The following ARSG variants were observed in gnomAD, a reference collection of about 807,000 sequenced individuals.
ARSG encodes arylsulfatase G.
A neutral mutation model predicts 50.5 loss-of-function variants in ARSG; 37 were observed. The ratio of observed to expected loss-of-function variants is 0.73; its 90% confidence interval spans 0.56 to 0.96. The LOEUF (loss-of-function observed/expected upper bound fraction) is 0.96. ARSG is among the 50% of genes least tolerant of loss of function. The probability of loss-of-function intolerance (pLI) is 0.00; values close to 1 mark genes in which losing one functional copy is unlikely to be tolerated. For missense variants in ARSG, 629 were observed against 675.3 expected, an observed-to-expected ratio of 0.93 and a Z score of 0.76; for synonymous variants, 225 against 254.6, an observed-to-expected ratio of 0.88 and a Z score of 1.11.
intron 10 of ARSG, 56 bp from the exon 11 acceptor site, chr17:68,401,304 T>C (rs1258618288): frequency 1.4e-6 from 2 of 1,476,904 alleles, no homozygotes; most frequent in Non-Finnish European, 1.9e-6. Flanking sequence ...ATTACAGGCA[T>C]GAGTCACCGA....
At chr17:68,326,544 A>T (rs2077512051) in intron 2 of ARSG, among the ~76,000 whole-genome samples, 1 of 152,220 alleles carries the variant, frequency 6.6e-6, no homozygotes, top group African/African-American at 2.4e-5. Flanking sequence ...CCATGCCTAT[A>T]GTCCCAGCTA....
At chr17:68,448,071 A>G in the ARSG span, among the ~76,000 whole-genome samples, 122 of 152,228 alleles carry the variant, frequency 8.0e-4, no homozygotes, top group African/African-American at 2.8e-3. Context: ...CTGTTTTTCA[A>G]AAAAGAAACT....
At chr17:68,373,753 A>G (rs2079989289) in intron 8 of ARSG, among the ~76,000 whole-genome samples, 1 of 152,080 alleles carries the variant, frequency 6.6e-6, no homozygotes, top group Non-Finnish European at 1.5e-5. Flanking sequence ...ATATGTATAG[A>G]TCTTTTTGGT....
chr17:68,389,447 C>T (rs1850099900), intron 9 of ARSG, among the ~76,000 whole-genome samples: 2 of 151,884 alleles, frequency 1.3e-5, no homozygotes, highest in South Asian at 4.2e-4. Context: ...CATGTCTCCA[C>T]GGCTGAGACC....
At chr17:68,356,424 G>A (rs2079034555) in intron 5 of ARSG, among the ~76,000 whole-genome samples, 1 of 152,172 alleles carries the variant, frequency 6.6e-6, no homozygotes, top group South Asian at 2.1e-4. Flanking sequence ...CCTAGCTCAC[G>A]AGAGTCTTTG....
chr17:68,302,265 A>G (rs1475406293), intron 1 of ARSG, among the ~76,000 whole-genome samples: 1 of 152,154 alleles, frequency 6.6e-6, no homozygotes, highest in Non-Finnish European at 1.5e-5. Context: ...GAGTAAAACA[A>G]CAGCAGTCCA....
chr17:68,282,467 C>T (rs1182417309), intron 1 of ARSG, among the ~76,000 whole-genome samples: 2 of 148,024 alleles, frequency 1.4e-5, no homozygotes, highest in Non-Finnish European at 3.0e-5. Context: ...CAAATCTGCA[C>T]GTTGTGCACA....
chr17:68,276,992 C>A (rs987966780), intron 1 of ARSG, among the ~76,000 whole-genome samples: 2 of 152,140 alleles, frequency 1.3e-5, no homozygotes, highest in African/African-American at 2.4e-5. Flanking sequence ...GAAACAGGTG[C>A]TTGGAATTCA....
chr17:68,333,918 C>T (rs2077899473), intron 2 of ARSG, among the ~76,000 whole-genome samples: 1 of 152,116 alleles, frequency 6.6e-6, no homozygotes, highest in Admixed American at 6.5e-5. Context: ...GTGTGGCTGC[C>T]AGGGACGCTT....
intron 11 of ARSG, among the ~76,000 whole-genome samples, chr17:68,407,782 ACAAT>A (rs1162147374): frequency 6.6e-6 from 1 of 152,068 alleles, no homozygotes; most frequent in East Asian, 1.9e-4. Flanking sequence ...TTCGAGGTAA[ACAAT>A]CATATTGTCA....
chr17:68,431,536 G>A, the ARSG span, among the ~76,000 whole-genome samples: 15 of 152,180 alleles, frequency 9.9e-5, no homozygotes, highest in Admixed American at 2.6e-4. Context: ...GAATAAAGGT[G>A]TCTGAGGAGG....
intron 3 of ARSG, among the ~76,000 whole-genome samples, chr17:68,346,466 C>T (rs1179153174): frequency 6.6e-6 from 1 of 152,236 alleles, no homozygotes; most frequent in Non-Finnish European, 1.5e-5. Context: ...TTTGCCCCCT[C>T]ACCATGGGGG....
intron 9 of ARSG, among the ~76,000 whole-genome samples, chr17:68,391,345 C>T (rs1341790659): frequency 2.0e-5 from 3 of 152,170 alleles, no homozygotes; most frequent in Non-Finnish European, 4.4e-5. Context: ...GGGGCTGCCT[C>T]GAGTGGCCTG....
At chr17:68,409,319 C>A (rs1349694691) in intron 11 of ARSG, among the ~76,000 whole-genome samples, 2 of 148,714 alleles carry the variant, frequency 1.3e-5, no homozygotes, top group African/African-American at 5.0e-5. Flanking sequence ...GGAAGGGATC[C>A]AGTTTCAGCT....
At chr17:68,295,051 T>C (rs1284565474) in intron 1 of ARSG, among the ~76,000 whole-genome samples, 2 of 152,174 alleles carry the variant, frequency 1.3e-5, no homozygotes, top group Non-Finnish European at 2.9e-5. Flanking sequence ...GGCTTAGCAC[T>C]GGGATTGGCT....
chr17:68,318,186 A>T (rs1193822689), intron 2 of ARSG, among the ~76,000 whole-genome samples: 3 of 152,190 alleles, frequency 2.0e-5, no homozygotes, highest in African/African-American at 7.2e-5. Context: ...CTCATGATTT[A>T]AAAAAGAGAA....
Position 68,270,746 on chromosome 17 carries a change from C to T in ARSG, c.-552+11320C>T, listed in dbSNP as rs559030465. On this transcript the variant is annotated intron_variant, in intron 1 of 11. Coordinates refer to the ARSG transcript ENST00000448504. ...TCTAAAATTCAATGGAAATATAAAA[C>T]GGCAGTAAGTTTTTTTTATGGCTTG... 4.4e-5 allele frequency: 48 copies of T among 1,080,554 alleles called. No individual in the cohort carries two copies. In the African/African-American group the frequency reaches 4.8e-4, roughly 11 times the overall value. 66.9% of individuals were successfully genotyped at this position (1,080,554 alleles called of 1,614,324 possible).
In ARSG at chr17:68,368,653, T is replaced by G. The variant is rs1428924089; in HGVS notation, c.810T>G (p.Gly270=). 2 of 1,614,212 alleles carry G rather than the reference T, an allele frequency of 1.2e-6. No individual in the cohort carries two copies. The highest frequency in any genetic ancestry group is 2.7e-5 in the African/African-American group (2 of 75,064). Residue 270 remains glycine, a synonymous_variant, in exon 7 of 12, where the codon GGT becomes GGG. Coordinates refer to ENST00000621439, the MANE Select transcript of ARSG (RefSeq NM_001267727.2). The stretch of plus-strand genomic sequence containing the variant: ...CGCCACGGGGCAGAAGCCTGTATGG[T>G]GCAGGGCTCTGGGAGATGGACAGTC... The part of the protein sequence containing the change: ...PAAPRGRSLY[G]AGLWEMDSLV...
chr17:68,402,820 C>T (rs1337863939), intron 11 of ARSG, among the ~76,000 whole-genome samples: 2 of 152,222 alleles, frequency 1.3e-5, no homozygotes, highest in African/African-American at 2.4e-5. Context: ...CCACCTTGCC[C>T]AGCCTGATCC....
Sources: allele counts gnomAD v4.1 joint callset (sites outside exome capture counted in the v4.1 genomes callset), GRCh38; gene constraint gnomAD v4.1.1; transcripts MANE v1.5; gene names NCBI Gene and HGNC (gene_info 2026-07-23, HGNC 2026-07-21).